TBC1D22A: variants seen among roughly 807,000 people sequenced by gnomAD.
TBC1D22A encodes the protein putative GTPase activator.
In TBC1D22A, 38 loss-of-function variants were observed where a neutral mutation model predicts 60.2. The observed-to-expected ratio is 0.63, with a 90% CI of 0.49 to 0.83. TBC1D22A has a LOEUF of 0.83. Among genes scored for constraint, TBC1D22A ranks in the 40% least tolerant of loss-of-function variants. TBC1D22A has a pLI of 0.00. For missense variants in TBC1D22A, 628 were observed against 701.0 expected, an observed-to-expected ratio of 0.90 and a Z score of 1.18; for synonymous variants, 302 against 281.7, an observed-to-expected ratio of 1.07 and a Z score of -0.72.
At chr22:46,835,241 A>G (rs1183469258) in intron 4 of TBC1D22A, among the ~76,000 whole-genome samples, 2 of 152,242 alleles carry the variant, frequency 1.3e-5, no homozygotes, top group Non-Finnish European at 2.9e-5. Flanking sequence ...ACATGACCTG[A>G]CGAAAAGAAC....
chr22:47,070,905 CTGT>C (rs1339254435), intron 11 of TBC1D22A, among the ~76,000 whole-genome samples: 24 of 151,982 alleles, frequency 1.6e-4, no homozygotes. Flanking sequence ...AGGCTGTTCC[CTGT>C]TGTTTGGTTG....
Position 46,858,434 on chromosome 22 carries a change from C to T in TBC1D22A, c.638-20219C>T, listed in dbSNP as rs554725292. Among the ~76,000 whole-genome samples the T allele has an allele frequency of 1.5e-4, 22 of 148,898 alleles. 1 individual carries two copies. The highest frequency in any genetic ancestry group is 1.1e-3 in the Admixed American group (17 of 14,932). On this transcript the variant is annotated intron_variant, in intron 4 of 12. Transcript: ENST00000337137. The stretch of plus-strand genomic sequence containing the variant: ...CGACAGCAGGCAAGCCGCCCTGTGC[C>T]GGCAGGCTTTGTTTCTTGTGGCAAA...
At chr22:46,812,191 G>T (rs2085405248) in intron 4 of TBC1D22A, among the ~76,000 whole-genome samples, 1 of 152,142 alleles carries the variant, frequency 6.6e-6, no homozygotes, top group Non-Finnish European at 1.5e-5. Context: ...TCAGCAGCAG[G>T]TGAATTAGCT....
At chr22:47,098,828 A>C (rs910908574) in intron 11 of TBC1D22A, among the ~76,000 whole-genome samples, 3 of 152,202 alleles carry the variant, frequency 2.0e-5, no homozygotes, top group Non-Finnish European at 1.5e-5. Flanking sequence ...TTAGTCGCAC[A>C]GTGTCTCTGG....
intron 4 of TBC1D22A, among the ~76,000 whole-genome samples, chr22:46,850,339 C>T (rs116259217): frequency 0.011 from 1,703 of 152,112 alleles, 46 homozygotes; most frequent in African/African-American, 0.039. Context: ...TGTGTGTGTG[C>T]GTGTGCGCAT....
rs544138618 is a variant in TBC1D22A, at chr22:46,810,307, T to G, written c.637+12687T>G. On this transcript the variant is annotated intron_variant, in intron 4 of 12. Transcript: ENST00000337137. Reference sequence around the variant, plus strand: ...CCTTCGCTCCCGACCCTTCTATTTCTGTCTCCTTTCAGAAGTGTTCCACAC... The same window carrying G: ...CCTTCGCTCCCGACCCTTCTATTTCGGTCTCCTTTCAGAAGTGTTCCACAC... Among the ~76,000 whole-genome samples the G allele has an allele frequency of 2.6e-5, 4 of 152,380 alleles. No homozygotes were observed. The South Asian group carries it at 8.3e-4, about 32-fold the overall frequency.
intron 4 of TBC1D22A, among the ~76,000 whole-genome samples, chr22:46,809,653 G>A (rs1026769892): frequency 6.6e-6 from 1 of 152,058 alleles, no homozygotes; most frequent in African/African-American, 2.4e-5. Flanking sequence ...GGTCCTGTCC[G>A]GGCTTCGACA....
chr22:47,163,662 G>A (rs951499215), intron 12 of TBC1D22A, among the ~76,000 whole-genome samples: 1 of 152,230 alleles, frequency 6.6e-6, no homozygotes, highest in Middle Eastern at 3.2e-3. Flanking sequence ...GAAAGCACAG[G>A]CCTCTGTGCA....
At chr22:47,032,489 G>C (rs1323707311) in intron 10 of TBC1D22A, among the ~76,000 whole-genome samples, 2 of 145,544 alleles carry the variant, frequency 1.4e-5, no homozygotes, top group East Asian at 4.0e-4. Flanking sequence ...TGGAGTGAGA[G>C]GAGAGAGGGA....
intron 6 of TBC1D22A, 57 bp from the exon 7 acceptor site, chr22:46,894,727 C>A (rs2068581353): frequency 3.1e-6 from 5 of 1,594,498 alleles, no homozygotes; most frequent in Non-Finnish European, 4.3e-6. Flanking sequence ...AATCATATCG[C>A]TCGTAATGAT....
chr22:47,049,962 G>A (rs991572407), intron 11 of TBC1D22A, among the ~76,000 whole-genome samples: 1 of 152,186 alleles, frequency 6.6e-6, no homozygotes, highest in African/African-American at 2.4e-5. Flanking sequence ...TGACCCTGGG[G>A]CCCACTGAGT....
At chr22:46,896,764 G>T in intron 7 of TBC1D22A, among the ~76,000 whole-genome samples, 1 of 152,080 alleles carries the variant, frequency 6.6e-6, no homozygotes, top group Admixed American at 6.5e-5. Flanking sequence ...GGTGCACACC[G>T]CCCACTGGTT....
intron 3 of TBC1D22A, among the ~76,000 whole-genome samples, chr22:46,794,157 A>T (rs980665994): frequency 6.6e-6 from 1 of 152,090 alleles, no homozygotes; most frequent in Non-Finnish European, 1.5e-5. Context: ...TGGCCGTGAG[A>T]GGGCCACGGG....
intron 7 of TBC1D22A, among the ~76,000 whole-genome samples, chr22:46,899,577 C>T (rs1457927219): frequency 6.6e-6 from 1 of 152,236 alleles, no homozygotes; most frequent in Non-Finnish European, 1.5e-5. Context: ...TGTGCCTTCA[C>T]AGGCCAGAAC....
chr22:47,041,518 T>C (rs1403197438), intron 11 of TBC1D22A, among the ~76,000 whole-genome samples: 1 of 152,232 alleles, frequency 6.6e-6, no homozygotes, highest in African/African-American at 2.4e-5. Context: ...AGGCTCTAGA[T>C]TGCCTACTGG....
chr22:46,913,546 C>G (rs964915951), intron 8 of TBC1D22A: 1 of 1,228,896 alleles, frequency 8.1e-7, no homozygotes, highest in African/African-American at 1.6e-5. Flanking sequence ...TGCCTCGGCT[C>G]ACTCCCTAAT....
chr22:47,096,205 C>T (rs1037801302), intron 11 of TBC1D22A, among the ~76,000 whole-genome samples: 6 of 152,144 alleles, frequency 3.9e-5, no homozygotes, highest in Admixed American at 3.9e-4. Flanking sequence ...ACTACGGAAG[C>T]CTCTTCTCTT....
intron 10 of TBC1D22A, among the ~76,000 whole-genome samples, chr22:47,016,074 C>G (rs929524208): frequency 2.0e-5 from 3 of 152,190 alleles, no homozygotes; most frequent in Non-Finnish European, 2.9e-5. Flanking sequence ...CATGCACTTC[C>G]CTGGTTCTGT....
At chr22:47,076,192 T>C (rs1390990512) in intron 11 of TBC1D22A, among the ~76,000 whole-genome samples, 1 of 151,936 alleles carries the variant, frequency 6.6e-6, no homozygotes, top group Non-Finnish European at 1.5e-5. Flanking sequence ...ACAAGCTTAA[T>C]TGAACGGTTG....
Sources: allele counts gnomAD v4.1 joint callset (sites outside exome capture counted in the v4.1 genomes callset), GRCh38; gene constraint gnomAD v4.1.1; transcripts MANE v1.5; gene names NCBI Gene and HGNC (gene_info 2026-07-23, HGNC 2026-07-21).